The following SLC24A1 variants were observed in gnomAD, a reference collection of about 807,000 sequenced individuals.
SLC24A1 encodes solute carrier family 24 member 1.
Under a neutral mutation model 88.1 loss-of-function variants are expected in SLC24A1, and 52 were observed. That is an observed-to-expected ratio of 0.59 (90% confidence interval 0.47 to 0.74). The LOEUF is 0.74. SLC24A1 is among the 30% of genes least tolerant of loss of function. The probability of loss-of-function intolerance (pLI) is 0.00; values close to 1 mark genes in which losing one functional copy is unlikely to be tolerated. For missense variants in SLC24A1, 1,173 were observed against 1,363.3 expected (o/e 0.86, Z 2.20); for synonymous variants, 455 against 498.0 (o/e 0.91, Z 1.15).
chr15:65,644,429 C>T lies in SLC24A1; in HGVS notation c.2056C>T (p.Arg686Cys), dbSNP rs773096612. Residue 686 changes from arginine to cysteine, a missense_variant and splice_region_variant, in exon 5 of 10, where the codon CGC (arginine) becomes TGC (cysteine). Transcript: ENST00000261892. ...TGTATGTCCTGTCTCATTTGCAGTT[C>T]GCCTTGCCAAGGAGAAGGAGGAGGA... ...LHSLDPLREV[R>C]LAKEKEEESL... The T allele has an allele frequency of 8.2e-6, 13 of 1,584,806 alleles. No homozygotes were observed. Among genetic ancestry groups the T allele is most frequent in the South Asian group, 6.9e-5 (6 of 86,408 alleles).
chr15:65,653,722 AGATATTTTAT>A, intron 9 of SLC24A1, 98 bp from the exon 10 acceptor site: 1 of 1,111,826 alleles, frequency 9.0e-7, no homozygotes, highest in African/African-American at 1.6e-5. Flanking sequence ...TTCACTTCAT[AGATATTTTAT>A]TGGTGGAAAA....
chr15:65,613,721 A>G (rs1012475819), intron 2 of SLC24A1, among the ~76,000 whole-genome samples: 1 of 151,988 alleles, frequency 6.6e-6, no homozygotes, highest in African/African-American at 2.4e-5. Context: ...CCTGATTTCA[A>G]GCGATCCTCC....
Position 65,637,969 on chromosome 15 carries a change from C to T in SLC24A1, c.1891-159C>T, listed in dbSNP as rs547731331. The stretch of plus-strand genomic sequence containing the variant: ...AGGCTGAAGCCAGATTATAGAAGGT[C>T]AGACTGGAGGGATGGAACATGTTGA... On this transcript the variant is annotated intron_variant, in intron 2 of 9. Coordinates refer to ENST00000261892, the MANE Select transcript of SLC24A1 (RefSeq NM_004727.3). 3.3e-5 allele frequency among the ~76,000 whole-genome samples: 5 copies of T among 152,244 alleles called. No individual in the cohort carries two copies. In the East Asian group the frequency reaches 5.8e-4, roughly 18 times the overall value.
At chr15:65,646,333 T>A (rs2141665317) in intron 6 of SLC24A1, among the ~76,000 whole-genome samples, 1 of 152,230 alleles carries the variant, frequency 6.6e-6, no homozygotes, top group Non-Finnish European at 1.5e-5. Context: ...CACCTTGGCC[T>A]CCCAAAGTGC....
chr15:65,629,595 T>G (rs991170351), intron 2 of SLC24A1, among the ~76,000 whole-genome samples: 1 of 152,266 alleles, frequency 6.6e-6, no homozygotes, highest in Non-Finnish European at 1.5e-5. Flanking sequence ...GCTCTCAGTG[T>G]ATTTGTTCTG....
chr15:65,652,457 T>A, intron 8 of SLC24A1, 185 bp from the exon 9 acceptor site: 1 of 540,582 alleles, frequency 1.8e-6, no homozygotes. Flanking sequence ...GGAGCAGGAG[T>A]CTTGCTTGCT....
At chr15:65,628,419 G>A (rs2074591280) in intron 2 of SLC24A1, among the ~76,000 whole-genome samples, 1 of 152,318 alleles carries the variant, frequency 6.6e-6, no homozygotes, top group Non-Finnish European at 1.5e-5. Flanking sequence ...CTTAGAAGAA[G>A]TTCCATAAGT....
intron 4 of SLC24A1, among the ~76,000 whole-genome samples, chr15:65,640,266 C>T (rs16948897): frequency 0.2 from 30,382 of 152,130 alleles, 3,329 homozygotes; most frequent in African/African-American, 0.28. Context: ...CCAAAGGACA[C>T]CCTGGAAACT....
chr15:65,625,520 C>T lies in SLC24A1; in HGVS notation c.1440C>T (p.Ala480=). The change falls in exon 2 of 10, where the codon GCC becomes GCT. Residue 480 remains alanine, a synonymous_variant. Coordinates refer to ENST00000261892, the MANE Select transcript of SLC24A1 (RefSeq NM_004727.3). ...AIVCDEYFVP[A]LGVITDKLQI... ...TTTGCGACGAGTACTTCGTTCCAGC[C>T]CTGGGTGTCATCACAGACAAGCTGC... 1.2e-6 allele frequency: 2 copies of T among 1,614,016 alleles called. No homozygotes were observed. Among genetic ancestry groups the T allele is most frequent in the Non-Finnish European group, 1.7e-6 (2 of 1,179,898 alleles).
chr15:65,622,696 C>G (rs189983504), intron 1 of SLC24A1, among the ~76,000 whole-genome samples: 1 of 152,010 alleles, frequency 6.6e-6, no homozygotes, highest in East Asian at 1.9e-4. Context: ...TCATGTTCTT[C>G]CCTCCTTCAT....
chr15:65,625,718 C>A lies in SLC24A1; in HGVS notation c.1638C>A (p.Phe546Leu), dbSNP rs775927379. 3.7e-6 allele frequency: 6 copies of A among 1,614,072 alleles called. No individual in the cohort carries two copies. Among genetic ancestry groups the A allele is most frequent in the South Asian group, 2.2e-5 (2 of 91,086 alleles). ...ILFVIGTCSL[F>L]SREILNLTWW... is the part of the protein sequence containing the mutation. ...TTGTCATTGGCACTTGTTCCCTCTTCTCCCGAGAGATCCTCAACCTCACCT... is the reference window on the plus strand; with the variant it reads ...TTGTCATTGGCACTTGTTCCCTCTTATCCCGAGAGATCCTCAACCTCACCT... Residue 546 changes from phenylalanine to leucine, a missense_variant, in exon 2 of 10, where the codon TTC (phenylalanine) becomes TTA (leucine). Phe to Leu is a conservative substitution (Grantham distance 22). Transcript: ENST00000261892.
In SLC24A1 at chr15:65,624,301, T is replaced by C. The variant is rs1490463339; in HGVS notation, c.221T>C (p.Met74Thr). 1.2e-6 allele frequency: 2 copies of C among 1,613,732 alleles called. No homozygotes were observed. The highest frequency in any genetic ancestry group is 1.1e-5 in the South Asian group (1 of 91,040). Reference sequence around the variant, plus strand: ...GACCTCTCCAGTGAAGAGATGATGATGATGAGCAGCAGCCCTTCAAAACCT... The same window carrying C: ...GACCTCTCCAGTGAAGAGATGATGACGATGAGCAGCAGCCCTTCAAAACCT... Reference protein sequence around the residue: ...SRDLSSEEMMMMSSSPSKPSS... With the variant: ...SRDLSSEEMMTMSSSPSKPSS... The change falls in exon 2 of 10, where the codon ATG (methionine) becomes ACG (threonine). Residue 74 changes from methionine (M) to threonine (T), a missense_variant. Coordinates refer to ENST00000261892, the MANE Select transcript of SLC24A1 (RefSeq NM_004727.3).
In SLC24A1 at chr15:65,655,874, A is replaced by G; in HGVS notation, c.*1795A>G. On this transcript the variant is annotated 3_prime_UTR_variant, in exon 10 of 10. Transcript: ENST00000261892. The stretch of plus-strand genomic sequence containing the variant: ...TCCCAATGGTATTTTACTTTACAAC[A>G]TGGATGGGCTCATCCTTATCTTTAG... 3.0e-6 allele frequency: 3 copies of G among 985,280 alleles called. No homozygotes were observed. The highest frequency in any genetic ancestry group is 3.6e-6 in the Non-Finnish European group (3 of 829,810). 61.0% of individuals were successfully genotyped at this position (985,280 alleles called of 1,614,324 possible). A position where few individuals can be genotyped will look rare whatever the true frequency, so the allele number is the denominator to read the frequency against.
In SLC24A1 at chr15:65,625,330, C is replaced by A; in HGVS notation, c.1250C>A (p.Pro417Gln). The change falls in exon 2 of 10, where the codon CCA (proline) becomes CAA (glutamine). Residue 417 changes from proline to glutamine, a missense_variant. Transcript: ENST00000261892. ...PSPSLTTALL[P>Q]EELSPSPSVL... is the part of the protein sequence containing the mutation. ...CCAAGCCTCACAACAGCCCTGCTCC[C>A]AGAGGAGCTCAGTCCTAGTCCCTCA... is the stretch of plus-strand genomic sequence containing the variant. The A allele has an allele frequency of 6.2e-7, 1 of 1,614,036 alleles. No homozygotes were observed. The highest frequency in any genetic ancestry group is 8.5e-7 in the Non-Finnish European group (1 of 1,179,898).
chr15:65,660,410 C>A, downstream of SLC24A1: 1 of 980,754 alleles, frequency 1.0e-6, no homozygotes, highest in Non-Finnish European at 1.5e-6. Flanking sequence ...GTGTCGTGGA[C>A]TCTACTGGCT....
chr15:65,645,977 G>A (rs972910298), intron 6 of SLC24A1, among the ~76,000 whole-genome samples: 6 of 152,194 alleles, frequency 3.9e-5, no homozygotes, highest in African/African-American at 1.4e-4. Flanking sequence ...TTGTTAGTGG[G>A]TCTGTCAGCA....
downstream of SLC24A1, chr15:65,659,047 G>C (rs1307211977): frequency 6.6e-6 from 1 of 152,112 alleles, no homozygotes; most frequent in Non-Finnish European, 1.5e-5. Context: ...GGAGGAAAAA[G>C]TAGAATATTT....
intron 2 of SLC24A1, among the ~76,000 whole-genome samples, chr15:65,612,826 C>G (rs80066594): frequency 2.0e-5 from 3 of 152,214 alleles, no homozygotes; most frequent in Non-Finnish European, 4.4e-5. Context: ...AGTTAGTTCA[C>G]TGATGGATGA....
intron 1 of SLC24A1, chr15:65,612,343 G>A (rs1222539651): frequency 6.6e-6 from 1 of 152,352 alleles, no homozygotes; most frequent in Non-Finnish European, 1.5e-5. Flanking sequence ...TTTTCTTTTA[G>A]CTGATAGGAT....
Sources: gnomAD v4.1 joint callset for allele counts (sites outside exome capture counted in the v4.1 genomes callset) on GRCh38, gnomAD v4.1.1 for gene constraint, MANE v1.5 for transcripts, NCBI Gene and HGNC (gene_info 2026-07-23, HGNC 2026-07-21) for gene names.